TASP1: variants seen among roughly 807,000 people sequenced by gnomAD.
TASP1 encodes taspase 1.
TASP1 carries 16 observed loss-of-function variants against 56.6 expected under a neutral mutation model. The ratio of observed to expected loss-of-function variants is 0.28; its 90% CI spans 0.19 to 0.43. The LOEUF is 0.43. Among genes scored for constraint, TASP1 ranks in the 20% least tolerant of loss-of-function variants. TASP1 has a pLI of 1.00. For missense variants in TASP1, 393 were observed against 511.6 expected, an observed-to-expected ratio of 0.77 and a Z score of 2.24; for synonymous variants, 179 against 184.2, an observed-to-expected ratio of 0.97 and a Z score of 0.23.
At chr20:13,300,335 T>C in the TASP1 span, 1 of 152,106 alleles carries the variant, frequency 6.6e-6, no homozygotes, top group Admixed American at 6.6e-5. Context: ...AAAAAGATAA[T>C]GGACCGCATT....
the TASP1 span, among the ~76,000 whole-genome samples, chr20:13,292,843 G>A: frequency 4.3e-3 from 648 of 152,240 alleles, 6 homozygotes; most frequent in African/African-American, 0.014. Context: ...CTCCAGCAGA[G>A]GGAGGGAGGG....
the TASP1 span, chr20:13,221,883 C>A: frequency 7.1e-7 from 1 of 1,405,380 alleles, no homozygotes; most frequent in Non-Finnish European, 9.2e-7. Flanking sequence ...CCCGACGCGG[C>A]CGCGGGCAAC....
chr20:13,380,061 A>G, the TASP1 span, among the ~76,000 whole-genome samples: 1 of 152,048 alleles, frequency 6.6e-6, no homozygotes, highest in African/African-American at 2.4e-5. Context: ...CACCTTCTGA[A>G]GCCTATTTCT....
chr20:13,420,654 G>A (rs2042403321), intron 12 of TASP1, among the ~76,000 whole-genome samples: 1 of 152,204 alleles, frequency 6.6e-6, no homozygotes, highest in South Asian at 2.1e-4. Context: ...ATTTCTTAGT[G>A]GAAGACTTCA....
chr20:13,568,083 A>G (rs1601281235), intron 7 of TASP1, among the ~76,000 whole-genome samples: 1 of 152,338 alleles, frequency 6.6e-6, no homozygotes, highest in East Asian at 1.9e-4. Context: ...ACTGCTACAC[A>G]CACATTTCTC....
At chr20:13,502,289 G>C (rs2043974736) in intron 10 of TASP1, among the ~76,000 whole-genome samples, 1 of 151,900 alleles carries the variant, frequency 6.6e-6, no homozygotes, top group Non-Finnish European at 1.5e-5. Flanking sequence ...ATAAGCAAAA[G>C]GTCGTCTTTT....
the TASP1 span, chr20:13,110,277 G>C: frequency 3.5e-6 from 5 of 1,412,312 alleles, 1 homozygote; most frequent in South Asian, 6.1e-5. Flanking sequence ...TGACCAGTGC[G>C]GAAAGGCTCA....
intron 4 of TASP1, among the ~76,000 whole-genome samples, chr20:13,592,397 C>CAAAA (rs34379997): frequency 1.8e-4 from 25 of 138,332 alleles, no homozygotes; most frequent in African/African-American, 5.8e-4. Context: ...AACACTGTCT[C>CAAAA]AAAAAAAAAA....
At chr20:13,562,982 GTA>G (rs2046398129) in intron 7 of TASP1, among the ~76,000 whole-genome samples, 2 of 135,424 alleles carry the variant, frequency 1.5e-5, no homozygotes, top group Admixed American at 7.4e-5. Flanking sequence ...GTATGTGTGT[GTA>G]TATACACATA....
At chr20:13,529,371 T>C (rs73081912) in intron 9 of TASP1, among the ~76,000 whole-genome samples, 1,528 of 152,296 alleles carry the variant, frequency 0.01, 10 homozygotes, top group South Asian at 0.021. Context: ...TTCCACTCCA[T>C]AGTAAGAAGT....
chr20:13,613,866 C>A (rs1467489028), intron 4 of TASP1, among the ~76,000 whole-genome samples: 1 of 151,996 alleles, frequency 6.6e-6, no homozygotes, highest in Non-Finnish European at 1.5e-5. Context: ...AATACAGAAC[C>A]TCAGGGCATA....
chr20:13,577,646 T>C (rs6074627), intron 6 of TASP1, among the ~76,000 whole-genome samples: 55,214 of 151,930 alleles, frequency 0.36, 10,874 homozygotes, highest in Non-Finnish European at 0.44. Flanking sequence ...CTATCTCTAG[T>C]GTAAGGACAC....
the TASP1 span, among the ~76,000 whole-genome samples, chr20:13,345,503 A>T: frequency 6.6e-6 from 1 of 152,194 alleles, no homozygotes; most frequent in Non-Finnish European, 1.5e-5. Context: ...ACTGGGGGGA[A>T]ATTGAGTTGT....
chr20:13,534,855 G>A (rs2045355038), intron 8 of TASP1, among the ~76,000 whole-genome samples: 1 of 152,054 alleles, frequency 6.6e-6, no homozygotes, highest in Non-Finnish European at 1.5e-5. Context: ...AAAGTTTATG[G>A]GTCACCTGTG....
the TASP1 span, among the ~76,000 whole-genome samples, chr20:13,192,537 AAC>A: frequency 6.6e-6 from 1 of 151,840 alleles, no homozygotes; most frequent in African/African-American, 2.4e-5. Context: ...CCTATCTCAA[AAC>A]ACACAAACAC....
chr20:13,362,808 A>AATATATATATATATAT, the TASP1 span, among the ~76,000 whole-genome samples: 3,219 of 114,296 alleles, frequency 0.028, 110 homozygotes, highest in Non-Finnish European at 0.04. Context: ...AATAGCAAGA[A>AATATATATATATATAT]ATATATATAT....
chr20:13,510,838 C>T (rs1239893823), intron 10 of TASP1, among the ~76,000 whole-genome samples: 2 of 152,156 alleles, frequency 1.3e-5, no homozygotes, highest in Non-Finnish European at 2.9e-5. Context: ...CTACTGTTAT[C>T]ATCCTTATTA....
At chr20:13,206,167 G>C in the TASP1 span, among the ~76,000 whole-genome samples, 1 of 152,198 alleles carries the variant, frequency 6.6e-6, no homozygotes, top group African/African-American at 2.4e-5. Flanking sequence ...AGCTGGCCCT[G>C]TGGGTCTTGG....
chr20:13,345,117 C>T, the TASP1 span, among the ~76,000 whole-genome samples: 2 of 151,750 alleles, frequency 1.3e-5, no homozygotes, highest in African/African-American at 2.4e-5. Flanking sequence ...TGTTTATTTT[C>T]GTTCAAAAAA....
Sources: gnomAD v4.1 joint callset for allele counts (sites outside exome capture counted in the v4.1 genomes callset) on GRCh38, gnomAD v4.1.1 for gene constraint, MANE v1.5 for transcripts, NCBI Gene and HGNC (gene_info 2026-07-23, HGNC 2026-07-21) for gene names.